Variants in CBR4 observed in about 807,000 individuals in gnomAD.
The protein encoded by CBR4 is carbonyl reductase 4, also known as 3-oxoacyl-[acyl-carrier-protein] reductase.
CBR4 carries 22 observed loss-of-function variants against 21.0 expected under a neutral mutation model. The observed-to-expected ratio is 1.05, with a 90% CI of 0.75 to 1.50. The LOEUF is 1.50. Among genes scored for constraint, CBR4 ranks in the 40% most tolerant of loss-of-function variants. The probability of loss-of-function intolerance (pLI) is 0.00; values close to 1 mark genes in which losing one functional copy is unlikely to be tolerated. For synonymous variants in CBR4, 100 were observed against 104.4 expected, an observed-to-expected ratio of 0.96 and a Z score of 0.26; for missense variants, 302 against 286.3, an observed-to-expected ratio of 1.05 and a Z score of -0.40.
chr4:168,958,051 G>A (rs747158500), intron 2 of CBR4, among the ~76,000 whole-genome samples: 22 of 152,110 alleles, frequency 1.4e-4, no homozygotes, highest in Non-Finnish European at 3.1e-4. Context: ...TTACCCACGA[G>A]GTCAATAGTT....
Position 168,990,077 on chromosome 4 carries a change from GGTAT to G in CBR4, c.*69_*72del, listed in dbSNP as rs1196681007. The G allele has an allele frequency of 1.4e-6, 2 of 1,404,250 alleles. No individual in the cohort carries two copies. The highest frequency in any genetic ancestry group is 1.5e-5 in the African/African-American group (1 of 67,798). 87.0% of individuals were successfully genotyped at this position (1,404,250 alleles called of 1,614,324 possible). A position where few individuals can be genotyped will look rare whatever the true frequency, so the allele number is the denominator to read the frequency against. On this transcript the variant is annotated 3_prime_UTR_variant, in exon 5 of 5. Coordinates refer to ENST00000306193, the MANE Select transcript of CBR4 (RefSeq NM_032783.5). ...TTGATTAGCACATGTTACCCATGTA[GGTAT>G]AATTGTCTAATCAGTAGCCAAAGTG...
chr4:168,927,107 A>G (rs1054423591), intron 2 of CBR4: 3 of 225,210 alleles, frequency 1.3e-5, no homozygotes, highest in Non-Finnish European at 2.7e-5. Flanking sequence ...AGTGCTCTGA[A>G]TAAAGCAGAA....
intron 2 of CBR4, among the ~76,000 whole-genome samples, chr4:168,941,555 C>T (rs1275568689): frequency 6.6e-6 from 1 of 151,990 alleles, no homozygotes; most frequent in Non-Finnish European, 1.5e-5. Context: ...AAAATCCTAA[C>T]TGAAAAATAA....
At chr4:168,979,706 T>C (rs1456348521) in intron 2 of CBR4, among the ~76,000 whole-genome samples, 2 of 151,936 alleles carry the variant, frequency 1.3e-5, no homozygotes, top group East Asian at 1.9e-4. Context: ...CTCTTCACCA[T>C]GTAGGGCCTC....
chr4:168,939,752 A>G (rs1228539280), intron 2 of CBR4, among the ~76,000 whole-genome samples: 1 of 152,188 alleles, frequency 6.6e-6, no homozygotes, highest in South Asian at 2.1e-4. Flanking sequence ...GATCTCTTCA[A>G]GGAGAACTAC....
intron 2 of CBR4, among the ~76,000 whole-genome samples, chr4:168,978,308 T>G (rs1272710048): frequency 6.6e-6 from 1 of 152,114 alleles, no homozygotes; most frequent in South Asian, 2.1e-4. Flanking sequence ...TCAAAAATAT[T>G]TGGGGGAGGG....
At chr4:168,986,631 T>C (rs1764699958), downstream of CBR4, among the ~76,000 whole-genome samples, 1 of 152,138 alleles carries the variant, frequency 6.6e-6, no homozygotes, top group Admixed American at 6.5e-5. Context: ...CGTGAATGAA[T>C]GAACAATCTG....
intron 2 of CBR4, among the ~76,000 whole-genome samples, chr4:168,957,608 C>A (rs1210906744): frequency 6.6e-6 from 1 of 152,174 alleles, no homozygotes; most frequent in Non-Finnish European, 1.5e-5. Flanking sequence ...TTCTCATGCA[C>A]CTTGTAGTCC....
intron 2 of CBR4, chr4:168,903,725 T>C: frequency 2.5e-6 from 4 of 1,583,534 alleles, no homozygotes; most frequent in Non-Finnish European, 3.5e-6. Flanking sequence ...ATACACAAAC[T>C]CCTAATCTTT....
At chr4:168,905,897 T>A (rs2151329237) in intron 2 of CBR4, among the ~76,000 whole-genome samples, 1 of 151,380 alleles carries the variant, frequency 6.6e-6, no homozygotes, top group East Asian at 2.0e-4. Flanking sequence ...CCTCCTGGGT[T>A]CAAGCAATTC....
Position 169,002,109 on chromosome 4 carries a change from A to G in CBR4, c.497T>C (p.Val166Ala). 7.5e-6 allele frequency: 12 copies of G among 1,598,804 alleles called. No individual in the cohort carries two copies. Among genetic ancestry groups the G allele is most frequent in the Admixed American group, 1.7e-5 (1 of 57,884 alleles). The change falls in exon 4 of 5, where the codon GTA becomes GCA. Residue 166 changes from valine (V) to alanine (A), a missense_variant. By Grantham distance (64) the Val-to-Ala change is moderately conservative (BLOSUM62 0). Transcript: ENST00000306193. Reference sequence around the variant, plus strand: ...ATTCACTCTAATTTTCTTTCTTGCTACCTCTTTAGCAAGAGCACGTGAAAA... The same window carrying G: ...ATTCACTCTAATTTTCTTTCTTGCTGCCTCTTTAGCAAGAGCACGTGAAAA... Reference protein sequence around the residue: ...VGFSRALAKEVARKKIRVNVV... With the variant: ...VGFSRALAKEAARKKIRVNVV...
At chr4:168,972,805 G>T (rs1045543172) in intron 2 of CBR4, among the ~76,000 whole-genome samples, 4 of 152,158 alleles carry the variant, frequency 2.6e-5, no homozygotes, top group Non-Finnish European at 5.9e-5. Flanking sequence ...AGGACTCCTA[G>T]TACTGTGTTG....
At chr4:168,983,021 CAAG>C (rs1349995963), downstream of CBR4, among the ~76,000 whole-genome samples, 5 of 152,058 alleles carry the variant, frequency 3.3e-5, no homozygotes, top group South Asian at 2.1e-4. Context: ...ACCTGAAAAA[CAAG>C]AACAAACCAA....
chr4:168,954,927 T>C (rs985870571), intron 2 of CBR4, among the ~76,000 whole-genome samples: 20 of 152,214 alleles, frequency 1.3e-4, no homozygotes, highest in African/African-American at 4.6e-4. Context: ...CTGAATGATA[T>C]GAACAGGATA....
chr4:168,993,989 C>A (rs148024941), intron 4 of CBR4, among the ~76,000 whole-genome samples: 3 of 152,080 alleles, frequency 2.0e-5, no homozygotes, highest in African/African-American at 7.2e-5. Flanking sequence ...AAGACCAGCT[C>A]GGTCACGGAG....
At chr4:168,914,174 A>G in intron 2 of CBR4, 1 of 652,878 alleles carries the variant, frequency 1.5e-6, no homozygotes, top group Non-Finnish European at 2.8e-6. Context: ...CTTGATTATT[A>G]TGCTCCCTTG....
At chr4:168,960,228 T>A (rs1292963179) in intron 2 of CBR4, among the ~76,000 whole-genome samples, 3 of 152,234 alleles carry the variant, frequency 2.0e-5, no homozygotes, top group African/African-American at 7.2e-5. Context: ...TATTATTTCA[T>A]AAACACATTA....
intron 2 of CBR4, among the ~76,000 whole-genome samples, chr4:168,901,355 T>C (rs1257334520): frequency 6.6e-6 from 1 of 152,226 alleles, no homozygotes; most frequent in Non-Finnish European, 1.5e-5. Context: ...TACCCTGTTC[T>C]CGTGCTTGTG....
downstream of CBR4, among the ~76,000 whole-genome samples, chr4:168,986,587 G>A (rs915613154): frequency 2.6e-5 from 4 of 152,110 alleles, no homozygotes; most frequent in South Asian, 2.1e-4. Flanking sequence ...ATTACTAGCA[G>A]TGTTACATAT....
Sources: allele counts gnomAD v4.1 joint callset (sites outside exome capture counted in the v4.1 genomes callset), GRCh38; gene constraint gnomAD v4.1.1; transcripts MANE v1.5; gene names NCBI Gene and HGNC (gene_info 2026-07-23, HGNC 2026-07-21).